Variants in GHR observed in about 807,000 individuals in gnomAD.
The protein encoded by GHR is growth hormone receptor, also known as GH receptor.
A neutral mutation model predicts 67.1 loss-of-function variants in GHR; 35 were observed. The observed-to-expected ratio is 0.52, with a 90% CI of 0.40 to 0.69. GHR has a LOEUF of 0.69. GHR is among the 30% of genes least tolerant of loss of function. The pLI, the probability that GHR is intolerant of heterozygous loss-of-function variation, is 0.00. For missense variants in GHR, 792 were observed against 764.6 expected, an observed-to-expected ratio of 1.04 and a Z score of -0.42; for synonymous variants, 272 against 269.1, an observed-to-expected ratio of 1.01 and a Z score of -0.10.
chr5:42,443,880 C>T (rs1001296968), intron 1 of GHR, among the ~76,000 whole-genome samples: 3 of 151,932 alleles, frequency 2.0e-5, no homozygotes, highest in Non-Finnish European at 4.4e-5. Context: ...AGAACACTCT[C>T]ATAGAAACAT....
chr5:42,474,291 G>GAA (rs1561325412), intron 1 of GHR, among the ~76,000 whole-genome samples: 25 of 7,366 alleles, frequency 3.4e-3, no homozygotes, highest in Non-Finnish European at 4.8e-3. Context: ...AAGAAAAAGA[G>GAA]AAAGAGAAAG....
intron 1 of GHR, among the ~76,000 whole-genome samples, chr5:42,431,420 C>G (rs182445730): frequency 6.8e-4 from 103 of 152,268 alleles, no homozygotes; most frequent in Non-Finnish European, 1.3e-3. Flanking sequence ...AGTGCTTCTT[C>G]CTACCTTTTA....
At chr5:42,584,647 G>A (rs1751375943) in intron 2 of GHR, among the ~76,000 whole-genome samples, 1 of 151,924 alleles carries the variant, frequency 6.6e-6, no homozygotes, top group Non-Finnish European at 1.5e-5. Context: ...GGTAAGTGAT[G>A]TGTTATAAAT....
At chr5:42,488,156 C>T (rs1745960634) in intron 1 of GHR, among the ~76,000 whole-genome samples, 3 of 152,174 alleles carry the variant, frequency 2.0e-5, no homozygotes, top group Admixed American at 2.0e-4. Flanking sequence ...ATTAGTAAAA[C>T]TTTTATGAAC....
At chr5:42,657,620 T>G (rs1327875750) in intron 3 of GHR, among the ~76,000 whole-genome samples, 1 of 152,188 alleles carries the variant, frequency 6.6e-6, no homozygotes, top group Non-Finnish European at 1.5e-5. Context: ...TAATGGGAAT[T>G]TAGAAGTATA....
chr5:42,561,668 G>C (rs1414202228), intron 1 of GHR, among the ~76,000 whole-genome samples: 1 of 152,196 alleles, frequency 6.6e-6, no homozygotes, highest in Admixed American at 6.5e-5. Context: ...ATGGGGAGCA[G>C]ACAAAATGCC....
intron 1 of GHR, among the ~76,000 whole-genome samples, chr5:42,476,381 G>A (rs1482743895): frequency 2.0e-5 from 3 of 151,192 alleles, no homozygotes; most frequent in South Asian, 2.1e-4. Flanking sequence ...CACCATGCCC[G>A]GCTAAATTTT....
At chr5:42,538,447 T>C (rs1748358439) in intron 1 of GHR, among the ~76,000 whole-genome samples, 1 of 152,188 alleles carries the variant, frequency 6.6e-6, no homozygotes, top group Admixed American at 6.5e-5. Flanking sequence ...CTTAGCTTGC[T>C]GGATAGAAAA....
At chr5:42,678,102 T>G (rs545344163) in intron 3 of GHR, among the ~76,000 whole-genome samples, 10 of 152,118 alleles carry the variant, frequency 6.6e-5, no homozygotes, top group Non-Finnish European at 8.8e-5. Flanking sequence ...ACAATAACCC[T>G]GTGACATACC....
intron 1 of GHR, among the ~76,000 whole-genome samples, chr5:42,501,448 A>G (rs1746537451): frequency 6.6e-6 from 1 of 152,128 alleles, no homozygotes. Context: ...ATTGTCCCCT[A>G]AACTTCTATT....
At chr5:42,433,358 T>G (rs6451618) in intron 1 of GHR, among the ~76,000 whole-genome samples, 38,497 of 152,022 alleles carry the variant, frequency 0.25, 5,330 homozygotes, top group African/African-American at 0.32. Context: ...ATAAATAAGT[T>G]TTTTTTTAAA....
At chr5:42,549,150 T>A (rs954265050) in intron 1 of GHR, among the ~76,000 whole-genome samples, 2 of 152,168 alleles carry the variant, frequency 1.3e-5, no homozygotes, top group African/African-American at 4.8e-5. Flanking sequence ...CTTTTCAGAT[T>A]AACTCTGATG....
intron 6 of GHR, among the ~76,000 whole-genome samples, chr5:42,709,741 G>A (rs1475282889): frequency 6.6e-6 from 1 of 152,102 alleles, no homozygotes; most frequent in African/African-American, 2.4e-5. Context: ...GAATAGAGTG[G>A]GGAAAAGTAC....
intron 2 of GHR, among the ~76,000 whole-genome samples, chr5:42,569,893 A>G (rs1471915472): frequency 3.3e-5 from 5 of 152,172 alleles, no homozygotes; most frequent in Admixed American, 2.6e-4. Flanking sequence ...TAGGAATGAG[A>G]TGCCACATCC....
chr5:42,542,681 C>G (rs1472211235), intron 1 of GHR, among the ~76,000 whole-genome samples: 1 of 151,980 alleles, frequency 6.6e-6, no homozygotes, highest in African/African-American at 2.4e-5. Context: ...TTTTTGGTTA[C>G]AAGGTTGAAT....
At chr5:42,503,902 T>C (rs1397948334) in intron 1 of GHR, among the ~76,000 whole-genome samples, 1 of 152,162 alleles carries the variant, frequency 6.6e-6, no homozygotes, top group Admixed American at 6.5e-5. Flanking sequence ...TGATTAGGAC[T>C]CTTAGCAGAC....
chr5:42,553,369 G>A (rs1460339244), intron 1 of GHR, among the ~76,000 whole-genome samples: 2 of 152,096 alleles, frequency 1.3e-5, no homozygotes, highest in African/African-American at 4.8e-5. Context: ...TGTCAGCTGG[G>A]AGCCAGTTTT....
chr5:42,508,346 G>A (rs1222868236), intron 1 of GHR, among the ~76,000 whole-genome samples: 1 of 152,194 alleles, frequency 6.6e-6, no homozygotes, highest in African/African-American at 2.4e-5. Context: ...AATCATAGTA[G>A]TAAGGAAGCA....
At chr5:42,713,327 A>T in intron 7 of GHR, 102 bp from the exon 8 acceptor site, 1 of 723,622 alleles carries the variant, frequency 1.4e-6, no homozygotes, top group Non-Finnish European at 2.5e-6. Context: ...ACTTTATTAG[A>T]TGAATACAAA....
Sources: allele counts gnomAD v4.1 joint callset (sites outside exome capture counted in the v4.1 genomes callset), GRCh38; gene constraint gnomAD v4.1.1; transcripts MANE v1.5; gene names NCBI Gene and HGNC (gene_info 2026-07-23, HGNC 2026-07-21).